Variants in CLDN10 observed in about 807,000 individuals in gnomAD.
CLDN10 encodes the protein claudin 10.
CLDN10 carries 15 observed loss-of-function variants against 22.9 expected under a neutral mutation model. That is an observed-to-expected ratio of 0.65 (90% CI 0.44 to 1.01). CLDN10 has a LOEUF of 1.01. CLDN10 is among the 50% of genes least tolerant of loss of function. The pLI, the probability that CLDN10 is intolerant of heterozygous loss-of-function variation, is 0.00. For synonymous variants in CLDN10, 114 were observed against 111.4 expected, an observed-to-expected ratio of 1.02 and a Z score of -0.15; for missense variants, 247 against 287.8, an observed-to-expected ratio of 0.86 and a Z score of 1.03.
intron 1 of CLDN10, among the ~76,000 whole-genome samples, chr13:95,539,686 T>C (rs2043438985): frequency 6.6e-6 from 1 of 152,230 alleles, no homozygotes; most frequent in African/African-American, 2.4e-5. Flanking sequence ...CTTTCCAGAA[T>C]ATTGTCCTGA....
At chr13:95,449,852 C>T (rs934419738) in intron 1 of CLDN10, among the ~76,000 whole-genome samples, 5 of 151,130 alleles carry the variant, frequency 3.3e-5, no homozygotes, top group Non-Finnish European at 5.9e-5. Flanking sequence ...CACGCCATTC[C>T]CCTGCCTCAG....
chr13:95,538,938 G>A (rs548455525), intron 1 of CLDN10, among the ~76,000 whole-genome samples: 2 of 152,232 alleles, frequency 1.3e-5, no homozygotes, highest in African/African-American at 4.8e-5. Flanking sequence ...GGAGTGCAGT[G>A]GCACAATCTC....
At chr13:95,449,321 G>A (rs914410454) in intron 1 of CLDN10, among the ~76,000 whole-genome samples, 5 of 150,516 alleles carry the variant, frequency 3.3e-5, no homozygotes, top group Admixed American at 6.6e-5. Flanking sequence ...GCGCAACCTC[G>A]GCTCACTGCA....
intron 1 of CLDN10, among the ~76,000 whole-genome samples, chr13:95,469,196 G>T (rs2042607561): frequency 6.7e-6 from 1 of 149,130 alleles, no homozygotes. Context: ...TTTAAAAATA[G>T]AATCATTAAA....
At chr13:95,464,571 T>C (rs1439115147) in intron 1 of CLDN10, among the ~76,000 whole-genome samples, 1 of 152,194 alleles carries the variant, frequency 6.6e-6, no homozygotes, top group Non-Finnish European at 1.5e-5. Flanking sequence ...TACATGTGCA[T>C]GTGTCTTTAT....
At chr13:95,443,310 C>G (rs2042341989) in intron 1 of CLDN10, among the ~76,000 whole-genome samples, 1 of 152,150 alleles carries the variant, frequency 6.6e-6, no homozygotes, top group Admixed American at 6.5e-5. Context: ...ATGATGATGT[C>G]TAGTTACATG....
At chr13:95,551,798 A>T (rs1237713199), upstream of CLDN10, among the ~76,000 whole-genome samples, 1 of 152,140 alleles carries the variant, frequency 6.6e-6, no homozygotes, top group Admixed American at 6.5e-5. Context: ...GTACACCTTG[A>T]TCTTTATGTT....
At chr13:95,560,068 A>G in intron 1 of CLDN10, 64 bp from the exon 2 acceptor site, 1 of 1,431,752 alleles carries the variant, frequency 7.0e-7, no homozygotes, top group Non-Finnish European at 9.6e-7. Context: ...ACAACGTAAA[A>G]TGAGGATTTC....
intron 1 of CLDN10, among the ~76,000 whole-genome samples, chr13:95,509,614 C>G (rs941467403): frequency 1.2e-4 from 19 of 152,050 alleles, no homozygotes; most frequent in Admixed American, 2.6e-4. Context: ...GGTGTCAGAC[C>G]GAATATAAGC....
At chr13:95,526,958 C>A (rs935116340) in intron 1 of CLDN10, among the ~76,000 whole-genome samples, 3 of 152,070 alleles carry the variant, frequency 2.0e-5, no homozygotes, top group Admixed American at 6.6e-5. Flanking sequence ...TTTCATCCAC[C>A]CCAGAGAGTA....
intron 3 of CLDN10, among the ~76,000 whole-genome samples, chr13:95,563,208 A>AGG (rs2043741180): frequency 1.5e-5 from 2 of 136,294 alleles, no homozygotes; most frequent in African/African-American, 5.1e-5. Context: ...GAGTTAAGAG[A>AGG]GGAGAGAGAG....
At chr13:95,434,288 C>G (rs1349841020) in intron 1 of CLDN10, among the ~76,000 whole-genome samples, 5 of 152,000 alleles carry the variant, frequency 3.3e-5, no homozygotes, top group Admixed American at 2.6e-4. Flanking sequence ...CAGTGTGACT[C>G]CAAAGGGAAG....
chr13:95,545,084 T>A (rs1301554423), intron 1 of CLDN10, among the ~76,000 whole-genome samples: 1 of 152,096 alleles, frequency 6.6e-6, no homozygotes, highest in African/African-American at 2.4e-5. Context: ...GGCTCAACTT[T>A]TAAATATTAT....
chr13:95,560,317 C>T, intron 2 of CLDN10, 24 bp downstream of exon 2: 1 of 1,613,498 alleles, frequency 6.2e-7, no homozygotes. Context: ...TTCTTCCAAA[C>T]AAGGTACTTG....
rs1214634287 is a variant in CLDN10, at chr13:95,479,583, T to C, written c.214+45536T>C. On this transcript the variant is annotated intron_variant, in intron 1 of 4. Coordinates refer to the CLDN10 transcript ENST00000376873. ...AGTCACAGACTTAACATTATAGTCA[T>C]GAATAAATGTTTTAAAATTATGAGG... 5.9e-5 allele frequency: 9 copies of C among 152,168 alleles called. No homozygotes were observed. In the East Asian group the frequency reaches 1.7e-3, roughly 29 times the overall value. 9.4% of individuals were successfully genotyped at this position (152,168 alleles called of 1,614,324 possible). A position where few individuals can be genotyped will look rare whatever the true frequency, so the allele number is the denominator to read the frequency against.
rs1481216308 is a variant in CLDN10 at position 95,542,165 on chromosome 13, G to A, written c.215-17967G>A. 4.6e-5 allele frequency among the ~76,000 whole-genome samples: 7 copies of A among 152,142 alleles called. No homozygotes were observed. In the East Asian group the frequency reaches 9.6e-4, roughly 21 times the overall value. ...CTCACGAGAACTCATTCACTATCAC[G>A]GGAACAGCCCCAAGGGGATGGTGCT... is the stretch of plus-strand genomic sequence containing the variant. On this transcript the variant is annotated intron_variant, in intron 1 of 4. Coordinates refer to the CLDN10 transcript ENST00000376873.
chr13:95,564,149 T>C (rs2043753582), intron 3 of CLDN10, among the ~76,000 whole-genome samples: 1 of 152,230 alleles, frequency 6.6e-6, no homozygotes, highest in African/African-American at 2.4e-5. Context: ...GTCTTTGGTG[T>C]CTTAATCAGC....
intron 1 of CLDN10, among the ~76,000 whole-genome samples, chr13:95,500,401 G>C (rs1446036733): frequency 6.6e-6 from 1 of 152,204 alleles, no homozygotes; most frequent in African/African-American, 2.4e-5. Context: ...CCAGGAAGGA[G>C]AGTGCGCCTG....
chr13:95,554,208 A>G (rs9561901), intron 1 of CLDN10, among the ~76,000 whole-genome samples: 32,046 of 151,992 alleles, frequency 0.21, 3,556 homozygotes, highest in South Asian at 0.3. Context: ...ATTCCCCAGC[A>G]TTACCGTTGA....
Sources: allele counts gnomAD v4.1 joint callset (sites outside exome capture counted in the v4.1 genomes callset), GRCh38; gene constraint gnomAD v4.1.1; transcripts MANE v1.5; gene names NCBI Gene and HGNC (gene_info 2026-07-23, HGNC 2026-07-21).